The following GPC5 variants were observed in gnomAD, a reference collection of about 807,000 sequenced individuals.
The protein encoded by GPC5 is glypican 5, also known as glypican-5.
GPC5 carries 47 observed loss-of-function variants against 53.9 expected under a neutral mutation model. The observed-to-expected ratio is 0.87, with a 90% confidence interval of 0.69 to 1.11. The LOEUF is 1.11. GPC5 is among the 50% of genes most tolerant of loss of function. GPC5 has a pLI of 0.00. For missense variants in GPC5, 748 were observed against 713.1 expected, an observed-to-expected ratio of 1.05 and a Z score of -0.56; for synonymous variants, 286 against 263.3, an observed-to-expected ratio of 1.09 and a Z score of -0.84.
chr13:91,826,238 A>G (rs2038574477), intron 5 of GPC5, among the ~76,000 whole-genome samples: 1 of 152,120 alleles, frequency 6.6e-6, no homozygotes, highest in Admixed American at 6.6e-5. Flanking sequence ...TAAAGCAGTC[A>G]TATTAAATAC....
At chr13:92,431,249 A>G (rs1015659830) in intron 7 of GPC5, among the ~76,000 whole-genome samples, 1 of 152,192 alleles carries the variant, frequency 6.6e-6, no homozygotes, top group Admixed American at 6.5e-5. Flanking sequence ...AGAAAGTTTC[A>G]TTCAAATAGT....
chr13:92,031,802 TATATA>T lies in GPC5; in HGVS notation c.1402-113022_1402-113018del, dbSNP rs1176030400. Among the ~76,000 whole-genome samples, 57 of 108,256 alleles carry T rather than the reference TATATA, an allele frequency of 5.3e-4. 5 individuals carry two copies. Among genetic ancestry groups the T allele is most frequent in the African/African-American group, 2.2e-3 (55 of 25,444 alleles). 71.0% of individuals were successfully genotyped at this position (108,256 alleles called of 152,430 possible). A position where few individuals can be genotyped will look rare whatever the true frequency, so the allele number is the denominator to read the frequency against. On this transcript the variant is annotated intron_variant, in intron 6 of 7. Coordinates refer to ENST00000377067, the MANE Select transcript of GPC5 (RefSeq NM_004466.6). ...ATAATATATTACATATTATATATAATATATAATATATTACATATTATATATAATAT... is the reference window on the plus strand; with the variant it reads ...ATAATATATTACATATTATATATAATATATATTACATATTATATATAATAT...
At chr13:92,221,639 C>T (rs1018253706) in intron 7 of GPC5, among the ~76,000 whole-genome samples, 1 of 152,104 alleles carries the variant, frequency 6.6e-6, no homozygotes, top group Non-Finnish European at 1.5e-5. Flanking sequence ...AAGTTCTGTC[C>T]ACAAATGATA....
At chr13:92,399,231 T>C (rs544141249) in intron 7 of GPC5, among the ~76,000 whole-genome samples, 22 of 152,302 alleles carry the variant, frequency 1.4e-4, no homozygotes, top group South Asian at 4.1e-4. Flanking sequence ...TAAATTAGGG[T>C]ACCTACTCTA....
At chr13:92,573,723 G>A (rs1883106036) in intron 7 of GPC5, among the ~76,000 whole-genome samples, 1 of 152,060 alleles carries the variant, frequency 6.6e-6, no homozygotes, top group Non-Finnish European at 1.5e-5. Context: ...CCTACCATGT[G>A]GCTAAAATGC....
chr13:92,254,861 G>T (rs566810990), intron 7 of GPC5, among the ~76,000 whole-genome samples: 43 of 152,042 alleles, frequency 2.8e-4, no homozygotes, highest in Non-Finnish European at 5.0e-4. Flanking sequence ...CTCCCATGGG[G>T]TCCCTCCCCC....
intron 7 of GPC5, among the ~76,000 whole-genome samples, chr13:92,630,126 T>C (rs966254588): frequency 5.9e-5 from 9 of 152,164 alleles, no homozygotes; most frequent in African/African-American, 1.7e-4. Context: ...AAAGATTGAT[T>C]TGATAAAATA....
intron 7 of GPC5, among the ~76,000 whole-genome samples, chr13:92,437,917 T>G (rs1320234379): frequency 1.3e-5 from 2 of 152,122 alleles, no homozygotes; most frequent in Admixed American, 6.6e-5. Flanking sequence ...GTTTTTAAAG[T>G]GTTCACGAAT....
intron 7 of GPC5, among the ~76,000 whole-genome samples, chr13:92,845,461 C>G (rs1878582280): frequency 6.6e-6 from 1 of 152,128 alleles, no homozygotes; most frequent in Non-Finnish European, 1.5e-5. Flanking sequence ...AAAGTGATGT[C>G]TCAGTTTGAA....
intron 6 of GPC5, among the ~76,000 whole-genome samples, chr13:92,034,314 G>A (rs1427345266): frequency 6.6e-6 from 1 of 152,030 alleles, no homozygotes; most frequent in African/African-American, 2.4e-5. Context: ...TGGTCAACAT[G>A]GTGAAACCCC....
At chr13:92,232,037 C>T (rs1358256210) in intron 7 of GPC5, among the ~76,000 whole-genome samples, 4 of 152,054 alleles carry the variant, frequency 2.6e-5, no homozygotes, top group African/African-American at 9.7e-5. Context: ...CTATCTTGTT[C>T]TTGATGTAAT....
chr13:91,852,484 T>C (rs2038925311), intron 5 of GPC5, among the ~76,000 whole-genome samples: 1 of 151,966 alleles, frequency 6.6e-6, no homozygotes, highest in Non-Finnish European at 1.5e-5. Context: ...GTGGTTTACT[T>C]GTTTTTTTTT....
At chr13:92,071,828 AT>A (rs1215720821) in intron 6 of GPC5, among the ~76,000 whole-genome samples, 3 of 147,822 alleles carry the variant, frequency 2.0e-5, no homozygotes, top group East Asian at 3.9e-4. Flanking sequence ...GAAATAATAT[AT>A]TTTATTCATA....
chr13:91,578,817 A>T (rs1307383569), intron 2 of GPC5, among the ~76,000 whole-genome samples: 1 of 151,960 alleles, frequency 6.6e-6, no homozygotes, highest in Non-Finnish European at 1.5e-5. Flanking sequence ...AGGCTGAGGC[A>T]GGTGGATTGC....
chr13:92,579,158 G>C (rs1171593002), intron 7 of GPC5, among the ~76,000 whole-genome samples: 1 of 151,824 alleles, frequency 6.6e-6, no homozygotes, highest in Admixed American at 6.6e-5. Context: ...GAAAGAAATA[G>C]GGTAAGGTCG....
chr13:92,746,276 G>A (rs1274643084), intron 7 of GPC5, among the ~76,000 whole-genome samples: 1 of 151,990 alleles, frequency 6.6e-6, no homozygotes, highest in East Asian at 1.9e-4. Flanking sequence ...ATCATTTCTG[G>A]CTTCAGTCTT....
At chr13:91,649,306 C>T (rs1461983638) in intron 2 of GPC5, among the ~76,000 whole-genome samples, 2 of 152,162 alleles carry the variant, frequency 1.3e-5, no homozygotes, top group Non-Finnish European at 2.9e-5. Flanking sequence ...TGACATCTTT[C>T]TCTGTTCTGT....
At chr13:91,582,364 C>T (rs1470600316) in intron 2 of GPC5, among the ~76,000 whole-genome samples, 3 of 152,114 alleles carry the variant, frequency 2.0e-5, no homozygotes, top group Non-Finnish European at 4.4e-5. Flanking sequence ...TCACAGGCTT[C>T]AAGTTATCTC....
chr13:92,244,980 G>A (rs1276980839), intron 7 of GPC5, among the ~76,000 whole-genome samples: 3 of 150,572 alleles, frequency 2.0e-5, no homozygotes, highest in African/African-American at 7.4e-5. Context: ...GGAGGTTGCA[G>A]TGTGCCAAGA....
Sources: allele counts gnomAD v4.1 joint callset (sites outside exome capture counted in the v4.1 genomes callset), GRCh38; gene constraint gnomAD v4.1.1; transcripts MANE v1.5; gene names NCBI Gene and HGNC (gene_info 2026-07-23, HGNC 2026-07-21).